Variants in CEP72 observed in about 807,000 individuals in gnomAD.
The protein encoded by CEP72 is centrosomal protein of 72 kDa.
A neutral mutation model predicts 65.7 loss-of-function variants in CEP72; 78 were observed. That is an observed-to-expected ratio of 1.19 (90% confidence interval 0.99 to 1.43). The LOEUF (loss-of-function observed/expected upper bound fraction) is 1.43, where lower values mean the gene tolerates loss of function less well. CEP72 is among the 40% of genes most tolerant of loss of function. CEP72 has a pLI of 0.00. For missense variants in CEP72, 914 were observed against 832.9 expected (o/e 1.10, Z -1.20); for synonymous variants, 358 against 351.7 (o/e 1.02, Z -0.20).
intron 8 of CEP72, among the ~76,000 whole-genome samples, chr5:640,169 G>A (rs1737908831): frequency 6.6e-6 from 1 of 152,212 alleles, no homozygotes; most frequent in Non-Finnish European, 1.5e-5. Context: ...AGACGTGGCG[G>A]CCCCTGGTTG....
At chr5:616,812 G>GTGTA (rs60614340) in intron 1 of CEP72, among the ~76,000 whole-genome samples, 1 of 141,606 alleles carries the variant, frequency 7.1e-6, no homozygotes. Flanking sequence ...GTGTGTGTGT[G>GTGTA]TGTATGTGTG....
chr5:635,512 C>T lies in CEP72; in HGVS notation c.832C>T (p.Pro278Ser). The T allele has an allele frequency of 1.2e-6, 2 of 1,614,080 alleles. No individual in the cohort carries two copies. The highest frequency in any genetic ancestry group is 1.7e-6 in the Non-Finnish European group (2 of 1,179,998). Residue 278 changes from proline to serine, a missense_variant, in exon 6 of 12, where the codon CCG (proline) becomes TCG (serine). Pro to Ser is a moderately conservative substitution (Grantham distance 74). Transcript: ENST00000264935. ...TTGGAGCCAGCTCTGTGGAGAGCTT[C>T]CGCCACTGTACGGAGCGGAGCCAGA... ...MPWSQLCGEL[P>S]PLYGAEPEAS...
Position 640,492 on chromosome 5 carries a change from C to G in CEP72, c.1427C>G (p.Ser476Cys), listed in dbSNP as rs1737936326. The change falls in exon 9 of 12, where the codon TCC (serine) becomes TGC (cysteine). Residue 476 changes from serine to cysteine, a missense_variant. Physicochemically the swap from Ser to Cys is moderately radical, Grantham distance 112 (BLOSUM62 -1). Coordinates refer to ENST00000264935, the MANE Select transcript of CEP72 (RefSeq NM_018140.4). The stretch of plus-strand genomic sequence containing the variant: ...GCGATGGTGGGTGAAGATGTCGGCT[C>G]CCTGGCTCTGGAGAGTAAGTCCCTG... The part of the protein sequence containing the change: ...SSAMVGEDVG[S>C]LALESKSLQS... 7 of 1,614,034 alleles carry G rather than the reference C, an allele frequency of 4.3e-6. No individual in the cohort carries two copies. In the Admixed American group the frequency reaches 5.0e-5, roughly 12 times the overall value.
chr5:620,030 T>A, intron 2 of CEP72, 39 bp from the exon 3 acceptor site: 1 of 1,551,352 alleles, frequency 6.4e-7, no homozygotes, highest in Non-Finnish European at 8.9e-7. Context: ...TATTTCTTGT[T>A]TAAAGTGTGA....
At position 633,843 on chromosome 5, in the gene CEP72, C is replaced by T. The variant is rs773198799; in HGVS notation, c.587C>T (p.Ala196Val). The part of the protein sequence containing the change: ...QSLVMDADDE[A>V]VLNLIAECEW... Reference sequence around the variant, plus strand: ...CTGGTCATGGATGCGGATGACGAGGCAGTCCTGAACCTCATTGCAGAGTGC... The same window carrying T: ...CTGGTCATGGATGCGGATGACGAGGTAGTCCTGAACCTCATTGCAGAGTGC... Residue 196 changes from alanine to valine, a missense_variant, in exon 5 of 12, where the codon GCA (alanine) becomes GTA (valine). By Grantham distance (64) the Ala-to-Val change is moderately conservative (BLOSUM62 0). Coordinates refer to ENST00000264935, the MANE Select transcript of CEP72 (RefSeq NM_018140.4). The T allele has an allele frequency of 2.8e-5, 45 of 1,613,912 alleles. No homozygotes were observed. The highest frequency in any genetic ancestry group is 5.3e-5 in the African/African-American group (4 of 74,948).
chr5:668,087 G>A (rs545070082), downstream of CEP72, among the ~76,000 whole-genome samples: 20 of 73,978 alleles, frequency 2.7e-4, 1 homozygote, highest in Admixed American at 6.3e-4. Flanking sequence ...AGAGGGGTCC[G>A]CGTGGGCCCC....
At position 653,226 on chromosome 5, in the gene CEP72, T is replaced by C. The variant is rs1301788597; in HGVS notation, c.*73T>C. 5 of 1,392,668 alleles carry C rather than the reference T, an allele frequency of 3.6e-6. No individual in the cohort carries two copies. The highest frequency in any genetic ancestry group is 4.8e-6 in the Non-Finnish European group (5 of 1,050,118). 86.3% of individuals were successfully genotyped at this position (1,392,668 alleles called of 1,614,324 possible). ...CATTGTCTGCACCTTTGTACTTCTT[T>C]ATTGAGTGTACTGGCTGGCAAGAGT... is the stretch of plus-strand genomic sequence containing the variant. On this transcript the variant is annotated 3_prime_UTR_variant, in exon 12 of 12. Transcript: ENST00000264935.
downstream of CEP72, among the ~76,000 whole-genome samples, chr5:668,232 T>C (rs75768646): frequency 0.22 from 7,226 of 32,676 alleles, 2,006 homozygotes; most frequent in African/African-American, 0.59. Flanking sequence ...GAGGGGGCCG[T>C]GTGGGCGCCG....
intron 4 of CEP72, among the ~76,000 whole-genome samples, chr5:625,431 C>T (rs1158548707): frequency 3.3e-5 from 5 of 152,184 alleles, no homozygotes; most frequent in Admixed American, 6.5e-5. Context: ...CTGGAGGCTG[C>T]GTGACCTCTG....
chr5:621,655 A>C (rs1365031454), intron 3 of CEP72, among the ~76,000 whole-genome samples: 2 of 152,240 alleles, frequency 1.3e-5, no homozygotes, highest in Non-Finnish European at 2.9e-5. Context: ...GTAGACCGGG[A>C]AGGCTGTCTG....
chr5:649,265 T>TG (rs1247898554), intron 11 of CEP72, among the ~76,000 whole-genome samples: 1 of 40,396 alleles, frequency 2.5e-5, no homozygotes, highest in Non-Finnish European at 4.4e-5. Context: ...CTGTGAGGTG[T>TG]GACTGTGAGG....
Position 624,498 on chromosome 5 carries a change from G to A in CEP72, c.431G>A (p.Arg144Gln), listed in dbSNP as rs147256778. Residue 144 changes from arginine (R) to glutamine (Q), a missense_variant, in exon 4 of 12, where the codon CGG (arginine) becomes CAG (glutamine). Arg to Gln is a conservative substitution (Grantham distance 43, BLOSUM62 1). Coordinates refer to ENST00000264935, the MANE Select transcript of CEP72 (RefSeq NM_018140.4). This position sits in a 1 kb window ranked among gnomAD's most constrained non-coding sequence, Gnocchi z 4.7. The part of the protein sequence containing the change: ...LDDRPVRASE[R>Q]KASRLHFASE... ...GATCGCCCCGTGAGAGCAAGCGAGCGGAAGGCTTCCCGACTGCATTTTGCA... is the reference window on the plus strand; with the variant it reads ...GATCGCCCCGTGAGAGCAAGCGAGCAGAAGGCTTCCCGACTGCATTTTGCA... 236 of 1,614,020 alleles carry A rather than the reference G, an allele frequency of 1.5e-4. No homozygotes were observed. The highest frequency in any genetic ancestry group is 3.3e-4 in the Middle Eastern group (2 of 6,084).
At chr5:626,057 G>A (rs1164045762) in intron 4 of CEP72, among the ~76,000 whole-genome samples, 1 of 149,262 alleles carries the variant, frequency 6.7e-6, no homozygotes, top group African/African-American at 2.5e-5. Flanking sequence ...GCAGGGGGGG[G>A]CGGCACAGTG....
chr5:628,870 C>T (rs1398059876), intron 4 of CEP72, among the ~76,000 whole-genome samples: 14 of 111,132 alleles, frequency 1.3e-4, no homozygotes, highest in African/African-American at 3.7e-4. Flanking sequence ...GTGCAGCGTT[C>T]TGGAGAACTC....
At chr5:634,944 G>A (rs1737484821) in intron 5 of CEP72, among the ~76,000 whole-genome samples, 1 of 152,204 alleles carries the variant, frequency 6.6e-6, no homozygotes. Context: ...CGCCCAGGCT[G>A]GAGTGCAGTG....
At chr5:637,221 G>A (rs1452728907) in intron 6 of CEP72, among the ~76,000 whole-genome samples, 4 of 152,232 alleles carry the variant, frequency 2.6e-5, no homozygotes, top group Non-Finnish European at 5.9e-5. Context: ...GGGTGAACAC[G>A]CGAAGCTGGG....
At chr5:674,016 C>CA in the CEP72 span, among the ~76,000 whole-genome samples, 1 of 152,256 alleles carries the variant, frequency 6.6e-6, no homozygotes, top group Non-Finnish European at 1.5e-5. Flanking sequence ...CAGAAGGAAT[C>CA]ACAGCCGGCA....
chr5:642,957 C>G, intron 9 of CEP72: 11 of 985,494 alleles, frequency 1.1e-5, no homozygotes, highest in Non-Finnish European at 1.3e-5. Context: ...GCCCCACTTC[C>G]AGCTGCTGTG....
At chr5:649,890 CT>C (rs1738839291) in intron 11 of CEP72, among the ~76,000 whole-genome samples, 1 of 108,122 alleles carries the variant, frequency 9.2e-6, no homozygotes, top group Non-Finnish European at 1.8e-5. Flanking sequence ...TGAGGTGGGA[CT>C]GTGAGGTGTG....
Sources: allele counts gnomAD v4.1 joint callset (sites outside exome capture counted in the v4.1 genomes callset), GRCh38; gene constraint gnomAD v4.1.1; non-coding constraint Gnocchi (gnomAD v3.1); transcripts MANE v1.5; gene names NCBI Gene and HGNC (gene_info 2026-07-23, HGNC 2026-07-21).